The following PDS5B variants were observed in gnomAD, a reference collection of about 807,000 sequenced individuals.
PDS5B encodes the protein PDS5 cohesin associated factor B, also known as sister chromatid cohesion protein PDS5 homolog B.
PDS5B carries 51 observed loss-of-function variants against 184.1 expected under a neutral mutation model. The observed-to-expected ratio is 0.28, with a 90% CI of 0.22 to 0.35. PDS5B has a LOEUF of 0.35. PDS5B is among the 10% of genes least tolerant of loss of function. The pLI is 1.00. For missense variants in PDS5B, 1,180 were observed against 1,723.3 expected, an observed-to-expected ratio of 0.68 and a Z score of 5.58; for synonymous variants, 566 against 569.2, an observed-to-expected ratio of 0.99 and a Z score of 0.08.
intron 31 of PDS5B, among the ~76,000 whole-genome samples, chr13:32,769,529 T>C (rs1361245209): frequency 1.3e-5 from 2 of 152,212 alleles, no homozygotes; most frequent in Non-Finnish European, 2.9e-5. Context: ...CACTGGTTTT[T>C]TGTTGTTTCT....
chr13:32,740,626 C>T (rs1364353898), intron 21 of PDS5B, among the ~76,000 whole-genome samples: 1 of 152,128 alleles, frequency 6.6e-6, no homozygotes, highest in Non-Finnish European at 1.5e-5. Flanking sequence ...TGCACATGAT[C>T]ACCTCAGGAT....
chr13:32,770,847 T>A, intron 33 of PDS5B, 86 bp downstream of exon 33: 1 of 973,628 alleles, frequency 1.0e-6, no homozygotes, highest in Non-Finnish European at 1.6e-6. Flanking sequence ...TTGCTGTATT[T>A]AAATTCCATA....
At chr13:32,607,334 CCT>C (rs1264686684) in intron 1 of PDS5B, among the ~76,000 whole-genome samples, 1 of 152,220 alleles carries the variant, frequency 6.6e-6, no homozygotes, top group Non-Finnish European at 1.5e-5. Context: ...CACTCTAGAC[CCT>C]GTTTGCCTGG....
In PDS5B at chr13:32,775,095, A is replaced by AACTTTTTTTT; in HGVS notation, c.*43_*44insACTTTTTTTT. On this transcript the variant is annotated 3_prime_UTR_variant, in exon 35 of 35. Transcript: ENST00000315596. ...CTTTCTCTGTGAAAGCTTTGGAAAA[A>AACTTTTTTTT]TCTTTTTTTTTTTTTTTGGTCAAGC... 1 of 547,616 alleles carries AACTTTTTTTT rather than the reference A, an allele frequency of 1.8e-6. No homozygotes were observed. The highest frequency in any genetic ancestry group is 2.6e-6 in the Non-Finnish European group (1 of 388,732). The allele number at this position is 547,616 out of a possible 1,614,324, so 33.9% of individuals were successfully genotyped here. A position where few individuals can be genotyped will look rare whatever the true frequency, so the allele number is the denominator to read the frequency against.
chr13:32,695,987 C>T (rs1210274330), intron 14 of PDS5B, among the ~76,000 whole-genome samples: 1 of 152,040 alleles, frequency 6.6e-6, no homozygotes, highest in African/African-American at 2.4e-5. Flanking sequence ...GATAGCCCAG[C>T]ACCGCTTTGT....
intron 33 of PDS5B, among the ~76,000 whole-genome samples, chr13:32,772,375 C>T (rs569337625): frequency 6.6e-6 from 1 of 152,224 alleles, no homozygotes; most frequent in Admixed American, 6.5e-5. Context: ...TTTTCATGGG[C>T]TCGTGGTTCT....
In PDS5B at chr13:32,720,577, G is replaced by C. The variant is rs570278509; in HGVS notation, c.2123+10471G>C. The stretch of plus-strand genomic sequence containing the variant: ...CTTAAGATTATGATGGAGCTGCACT[G>C]CACAGGGGTACAACTTTTATCTTTA... On this transcript the variant is annotated intron_variant, in intron 19 of 34. Transcript: ENST00000315596. 2.0e-5 allele frequency among the ~76,000 whole-genome samples: 3 copies of C among 151,716 alleles called. 1 individual carries two copies. In the South Asian group the frequency reaches 6.3e-4, roughly 32 times the overall value.
intron 7 of PDS5B, among the ~76,000 whole-genome samples, chr13:32,670,909 A>G (rs1418849539): frequency 1.3e-5 from 2 of 152,226 alleles, no homozygotes; most frequent in Non-Finnish European, 2.9e-5. Context: ...AGCCATGTAA[A>G]TGTAAGGTAG....
chr13:32,754,736 GGTT>G (rs1378752748), intron 25 of PDS5B, among the ~76,000 whole-genome samples: 3 of 152,208 alleles, frequency 2.0e-5, no homozygotes, highest in African/African-American at 7.2e-5. Context: ...GATTGCTTGT[GGTT>G]GTTGTGAGAA....
chr13:32,603,820 T>G (rs1447735960), intron 1 of PDS5B, among the ~76,000 whole-genome samples: 1 of 152,146 alleles, frequency 6.6e-6, no homozygotes, highest in East Asian at 1.9e-4. Flanking sequence ...AGTTGGATAC[T>G]TAGGTATTTT....
At chr13:32,647,207 C>A (rs542932701) in intron 1 of PDS5B, among the ~76,000 whole-genome samples, 99 of 152,210 alleles carry the variant, frequency 6.5e-4, no homozygotes, top group African/African-American at 2.3e-3. Flanking sequence ...TTGTAGGCTA[C>A]ATTTAGGCCT....
intron 19 of PDS5B, among the ~76,000 whole-genome samples, chr13:32,710,736 G>A (rs909758293): frequency 4.6e-5 from 7 of 152,256 alleles, no homozygotes; most frequent in African/African-American, 1.4e-4. Flanking sequence ...TGATACTGGC[G>A]TAGTCATAGG....
intron 21 of PDS5B, among the ~76,000 whole-genome samples, chr13:32,737,506 T>C (rs1394135655): frequency 6.6e-6 from 1 of 152,206 alleles, no homozygotes; most frequent in Non-Finnish European, 1.5e-5. Context: ...CTAATCTCAG[T>C]GCCAGACTCA....
Position 32,770,542 on chromosome 13 carries a change from C to T in PDS5B, c.4046C>T (p.Ser1349Leu). The change falls in exon 32 of 35, where the codon TCA (serine) becomes TTA (leucine). Residue 1349 changes from serine to leucine, a missense_variant. By Grantham distance (145) the Ser-to-Leu change is moderately radical. Transcript: ENST00000315596. ...TCCAAAAGCAAACAGCACCGAGTGTCAAGGAGAGCACAGCAGAGGTAAGCA... is the reference window on the plus strand; with the variant it reads ...TCCAAAAGCAAACAGCACCGAGTGTTAAGGAGAGCACAGCAGAGGTAAGCA... ...QKSKSKQHRV[S>L]RRAQQRAESP... 1.2e-6 allele frequency: 2 copies of T among 1,608,066 alleles called. No individual in the cohort carries two copies. The highest frequency in any genetic ancestry group is 1.7e-6 in the Non-Finnish European group (2 of 1,178,520).
Position 32,678,942 on chromosome 13 carries a change from T to C in PDS5B, c.1057+13T>C, listed in dbSNP as rs1236799634. ...AAAGACTTAACAGGTACTATATATA[T>C]GTAACAGCAAATATTCTTACGTGCT... On this transcript the variant is annotated intron_variant, in intron 10 of 34. Coordinates refer to ENST00000315596, the MANE Select transcript of PDS5B (RefSeq NM_015032.4). The C allele has an allele frequency of 6.0e-6, 8 of 1,341,900 alleles. No homozygotes were observed. Among genetic ancestry groups the C allele is most frequent in the African/African-American group, 4.3e-5 (3 of 69,608 alleles). 83.1% of individuals were successfully genotyped at this position (1,341,900 alleles called of 1,614,324 possible).
At chr13:32,763,997 T>G (rs2141022210) in intron 30 of PDS5B, among the ~76,000 whole-genome samples, 1 of 152,294 alleles carries the variant, frequency 6.6e-6, no homozygotes, top group South Asian at 2.1e-4. Context: ...CTGGCACTGA[T>G]TTAAGTGCTT....
chr13:32,699,687 A>T, intron 15 of PDS5B, 43 bp from the exon 16 acceptor site: 1 of 1,152,506 alleles, frequency 8.7e-7, no homozygotes, highest in Non-Finnish European at 1.2e-6. Context: ...TATTTTAAGA[A>T]TTAAAAAAAA....
At chr13:32,676,273 C>T (rs1951061164) in intron 9 of PDS5B, among the ~76,000 whole-genome samples, 1 of 152,100 alleles carries the variant, frequency 6.6e-6, no homozygotes, top group South Asian at 2.1e-4. Context: ...GATATAGCCT[C>T]TCTACAAATT....
intron 23 of PDS5B, among the ~76,000 whole-genome samples, chr13:32,745,481 A>G (rs1175321675): frequency 6.6e-6 from 1 of 152,368 alleles, no homozygotes; most frequent in South Asian, 2.1e-4. Context: ...TTAAATGAGC[A>G]TAATATGGTG....
Sources: gnomAD v4.1 joint callset for allele counts (sites outside exome capture counted in the v4.1 genomes callset) on GRCh38, gnomAD v4.1.1 for gene constraint, MANE v1.5 for transcripts, NCBI Gene and HGNC (gene_info 2026-07-23, HGNC 2026-07-21) for gene names.